COL4A6: variants seen among roughly 807,000 people sequenced by gnomAD.
The protein encoded by COL4A6 is collagen type IV alpha 6 chain.
COL4A6 carries 59 observed loss-of-function variants against 126.7 expected under a neutral mutation model. The ratio of observed to expected loss-of-function variants is 0.47; its 90% CI spans 0.38 to 0.58. The LOEUF (loss-of-function observed/expected upper bound fraction) is 0.58, where lower values mean the gene tolerates loss of function less well. Among genes scored for constraint, COL4A6 ranks in the 20% least tolerant of loss-of-function variants. The pLI is 0.00. For synonymous variants in COL4A6, 547 were observed against 496.6 expected, an observed-to-expected ratio of 1.10 and a Z score of -1.35; for missense variants, 1,285 against 1,337.3, an observed-to-expected ratio of 0.96 and a Z score of 0.61.
chrX:108,358,575 A>G (rs1457564792), intron 2 of COL4A6, among the ~76,000 whole-genome samples: 2 of 110,118 alleles, frequency 1.8e-5, no homozygotes, highest in Non-Finnish European at 3.8e-5. Flanking sequence ...TTGTATTTTT[A>G]TTAGAGATGG....
At chrX:108,435,330 G>A (rs1205346744) in intron 2 of COL4A6, among the ~76,000 whole-genome samples, 1 of 111,942 alleles carries the variant, frequency 8.9e-6, no homozygotes, top group East Asian at 2.8e-4. Context: ...TATATTGGCT[G>A]ATGGTGAGAT....
At chrX:108,286,207 C>G (rs1380661413) in intron 3 of COL4A6, among the ~76,000 whole-genome samples, 1 of 111,960 alleles carries the variant, frequency 8.9e-6, no homozygotes, top group Non-Finnish European at 1.9e-5. Context: ...TTGAGATAAA[C>G]CCGAAAGTAT....
intron 2 of COL4A6, among the ~76,000 whole-genome samples, chrX:108,428,432 A>C (rs2064123884): frequency 8.9e-6 from 1 of 112,090 alleles, no homozygotes; most frequent in African/African-American, 3.2e-5. Context: ...AGAGGAATTT[A>C]GCACCTACCT....
intron 3 of COL4A6, among the ~76,000 whole-genome samples, chrX:108,240,893 C>T (rs1351483342): frequency 6.3e-5 from 7 of 111,699 alleles, no homozygotes; most frequent in Non-Finnish European, 1.3e-4. Flanking sequence ...TTTCTACAAT[C>T]CCCAAATTAA....
At chrX:108,402,731 T>C (rs1232743567) in intron 2 of COL4A6, among the ~76,000 whole-genome samples, 2 of 111,299 alleles carry the variant, frequency 1.8e-5, no homozygotes, top group Non-Finnish European at 3.8e-5. Flanking sequence ...ATGTGTGTTT[T>C]CAATGTCTAA....
At chrX:108,266,253 G>T (rs180731906) in intron 3 of COL4A6, among the ~76,000 whole-genome samples, 3 of 111,517 alleles carry the variant, frequency 2.7e-5, no homozygotes, top group African/African-American at 6.5e-5. Flanking sequence ...AGACTGTGCT[G>T]ACAGAATTTC....
At chrX:108,317,118 A>G (rs1569422511) in intron 2 of COL4A6, among the ~76,000 whole-genome samples, 1 of 112,435 alleles carries the variant, frequency 8.9e-6, no homozygotes, top group African/African-American at 3.2e-5. Context: ...TTTATAACAG[A>G]GAGGCAGTTA....
chrX:108,309,629 G>A (rs1190777517), intron 3 of COL4A6, among the ~76,000 whole-genome samples: 2 of 110,843 alleles, frequency 1.8e-5, no homozygotes, highest in Admixed American at 9.6e-5. Context: ...AAGGTGGAAC[G>A]GTCACTGTGT....
intron 39 of COL4A6, 33 bp from the exon 40 acceptor site, chrX:108,164,731 CGGCATGGTAGG>C: frequency 8.3e-7 from 1 of 1,199,684 alleles, no homozygotes; most frequent in South Asian, 1.8e-5. Context: ...AGTCAGGTCC[CGGCATGGTAGG>C]GGTGGTAGGG....
rs778543482 is a variant in COL4A6 at position 108,211,801 on chromosome X, TTATCTGATCAGA to T, written c.442-73_442-62del. The T allele has an allele frequency of 7.4e-4, 768 of 1,044,327 alleles. 8 individuals are homozygous for T. The East Asian group carries it at 0.022, about 31-fold the overall frequency. 86.1% of individuals were successfully genotyped at this position (1,044,327 alleles called of 1,213,427 possible). ...CACACTTACAGTCTTTTTAATTGCATTATCTGATCAGATAGAGGATGGGACAGCAAGAGCCTG... is the reference window on the plus strand; with the variant it reads ...CACACTTACAGTCTTTTTAATTGCATTAGAGGATGGGACAGCAAGAGCCTG... On this transcript the variant is annotated intron_variant, in intron 6 of 44. Coordinates refer to ENST00000334504, the MANE Select transcript of COL4A6 (RefSeq NM_033641.4).
At chrX:108,225,978 A>C (rs143130551) in intron 3 of COL4A6, among the ~76,000 whole-genome samples, 11 of 112,387 alleles carry the variant, frequency 9.8e-5, no homozygotes, top group Non-Finnish European at 1.5e-4. Flanking sequence ...TGCAAATGGT[A>C]TTTATGAAGC....
At chrX:108,241,418 G>C (rs1294587103) in intron 3 of COL4A6, among the ~76,000 whole-genome samples, 2 of 108,747 alleles carry the variant, frequency 1.8e-5, no homozygotes, top group African/African-American at 6.7e-5. Flanking sequence ...TCTGATTGCA[G>C]ATTGTGTACT....
At chrX:108,344,092 A>G (rs1377774686) in intron 2 of COL4A6, among the ~76,000 whole-genome samples, 1 of 111,603 alleles carries the variant, frequency 9.0e-6, no homozygotes, top group East Asian at 2.8e-4. Flanking sequence ...GAATAAAATC[A>G]ACTCCATTTC....
Position 108,261,837 on chromosome X carries a change from G to T in COL4A6, c.145-40463C>A, listed in dbSNP as rs539135724. Among the ~76,000 whole-genome samples, 19 of 111,809 alleles carry T rather than the reference G, an allele frequency of 1.7e-4. 1 individual carries two copies. The South Asian group carries it at 6.7e-3, about 40-fold the overall frequency. On this transcript the variant is annotated intron_variant, in intron 3 of 44. Transcript: ENST00000334504. ...AGTCATACATCTGGGCCCCAAGGAA[G>T]CAGGTTTGTTCTTGGCATTTACAAT... is the stretch of plus-strand genomic sequence containing the variant.
chrX:108,285,788 A>AACACT (rs2037989205), intron 3 of COL4A6, among the ~76,000 whole-genome samples: 1 of 112,044 alleles, frequency 8.9e-6, no homozygotes, highest in Non-Finnish European at 1.9e-5. Context: ...TATACCCAGA[A>AACACT]ACACTGAAAA....
chrX:108,353,963 G>A (rs775369304), intron 2 of COL4A6, among the ~76,000 whole-genome samples: 31 of 111,541 alleles, frequency 2.8e-4, no homozygotes, highest in Non-Finnish European at 4.5e-4. Flanking sequence ...GACCAGCCTG[G>A]CCAACATGGT....
rs373688874 is a variant in COL4A6 at position 108,174,424 on chromosome X, A to C, written c.3138+16T>G. 1.7e-6 allele frequency: 2 copies of C among 1,206,847 alleles called. No individual in the cohort carries two copies. Among genetic ancestry groups the C allele is most frequent in the Non-Finnish European group, 2.2e-6 (2 of 893,078 alleles). On this transcript the variant is annotated intron_variant, in intron 31 of 44. Transcript: ENST00000334504. ...GGCCTTTTCTGGTATAAAGACAAAG[A>C]TCTGGTCACACTTACACTTTCTCCT...
chrX:108,362,080 TGA>T (rs1211940117), intron 2 of COL4A6, among the ~76,000 whole-genome samples: 7 of 105,953 alleles, frequency 6.6e-5, no homozygotes, highest in Middle Eastern at 4.2e-3. Context: ...TGTGTGTGTG[TGA>T]GAGAGAGAAA....
chrX:108,339,661 A>C (rs1033579269), intron 2 of COL4A6, among the ~76,000 whole-genome samples: 2 of 111,347 alleles, frequency 1.8e-5, no homozygotes, highest in Non-Finnish European at 3.8e-5. Context: ...CAGGATTGAG[A>C]GTTTACTCAG....
Sources: allele counts gnomAD v4.1 joint callset (sites outside exome capture counted in the v4.1 genomes callset), GRCh38; gene constraint gnomAD v4.1.1; transcripts MANE v1.5; gene names NCBI Gene and HGNC (gene_info 2026-07-23, HGNC 2026-07-21).